Variants in FUBP1 observed in about 807,000 individuals in gnomAD.
FUBP1 encodes the protein far upstream element binding protein 1, also known as far upstream element-binding protein 1.
FUBP1 carries 16 observed loss-of-function variants against 94.9 expected under a neutral mutation model. The observed-to-expected ratio is 0.17, with a 90% confidence interval of 0.11 to 0.26. FUBP1 has a LOEUF of 0.26. FUBP1 is among the 10% of genes least tolerant of loss of function. The pLI is 1.00. For synonymous variants in FUBP1, 279 were observed against 254.9 expected (o/e 1.09, Z -0.90); for missense variants, 583 against 808.6 (o/e 0.72, Z 3.38).
At chr1:77,958,490 C>G (rs1220733197) in intron 16 of FUBP1, among the ~76,000 whole-genome samples, 1 of 152,180 alleles carries the variant, frequency 6.6e-6, no homozygotes, top group South Asian at 2.1e-4. Context: ...AATATTAAAA[C>G]AGTATGCTAT....
At chr1:77,973,274 C>G (rs1455060295) in intron 1 of FUBP1, among the ~76,000 whole-genome samples, 1 of 152,076 alleles carries the variant, frequency 6.6e-6, no homozygotes, top group African/African-American at 2.4e-5. Flanking sequence ...GAGATGGAGT[C>G]TCAAGATGTT....
At position 77,979,005 on chromosome 1, in the gene FUBP1, G is replaced by T. The variant is rs932592410; in HGVS notation, c.-1C>A. On this transcript the variant is annotated 5_prime_UTR_variant, in exon 1 of 20. Transcript: ENST00000370768. ...GAGGCACTGTTGAATAGTCTGCCAT[G>T]GTTGCACTATAAGAGCCGCTGCCGC... The T allele has an allele frequency of 1.9e-6, 3 of 1,610,812 alleles. No individual in the cohort carries two copies.
intron 13 of FUBP1, 60 bp from the exon 14 acceptor site, chr1:77,962,990 G>A: frequency 1.8e-6 from 2 of 1,138,148 alleles, no homozygotes; most frequent in Non-Finnish European, 2.5e-6. Flanking sequence ...GAGCTATTTA[G>A]AAGAAAATGG....
At chr1:77,965,308 T>C (rs1656270408) in intron 7 of FUBP1, 77 bp from the exon 8 acceptor site, 1 of 969,556 alleles carries the variant, frequency 1.0e-6, no homozygotes, top group Non-Finnish European at 1.6e-6. Context: ...TAAAACAATA[T>C]AACCAAGTAC....
At chr1:77,967,713 T>C (rs1436653175) in intron 3 of FUBP1, 47 bp from the exon 4 acceptor site, 1 of 1,103,020 alleles carries the variant, frequency 9.1e-7, no homozygotes, top group Non-Finnish European at 1.3e-6. Context: ...AAAATTTAAA[T>C]TTACTTATAT....
At position 77,944,922 on chromosome 1, in the gene FUBP1, ACTAAG is replaced by A. The variant is rs1170838564; in HGVS notation, c.*3839_*3843del. On this transcript the variant is annotated 3_prime_UTR_variant, in exon 20 of 20. Transcript: ENST00000370768. ...ACCATAGAATTCTAAGTATCACCAC[ACTAAG>A]CTGTCTTAAAAAAAACTAAAAACAT... Among the ~76,000 whole-genome samples, 1 of 152,084 alleles carries A rather than the reference ACTAAG, an allele frequency of 6.6e-6. No homozygotes were observed. Among genetic ancestry groups the A allele is most frequent in the East Asian group, 1.9e-4 (1 of 5,192 alleles).
chr1:77,966,841 G>C, intron 6 of FUBP1, 43 bp downstream of exon 6: 1 of 1,260,010 alleles, frequency 7.9e-7, no homozygotes, highest in Non-Finnish European at 1.1e-6. Context: ...AAAAAAGCTA[G>C]TTTTCTAGTC....
At position 77,955,456 on chromosome 1, in the gene FUBP1, T is replaced by C. The variant is rs1654270696; in HGVS notation, c.1706-127A>G. ...CAGTGAGGGTAGGAGGGAAGTACTA[T>C]GTGGTGGTGGCATCCCTAACAGTGC... On this transcript the variant is annotated intron_variant, in intron 17 of 19. Coordinates refer to ENST00000370768, the MANE Select transcript of FUBP1 (RefSeq NM_003902.5). 9.1e-5 allele frequency: 58 copies of C among 639,550 alleles called. No homozygotes were observed. The South Asian group carries it at 1.1e-3, about 12-fold the overall frequency. The allele number at this position is 639,550 out of a possible 1,614,324, so 39.6% of individuals were successfully genotyped here. A position where few individuals can be genotyped will look rare whatever the true frequency, so the allele number is the denominator to read the frequency against.
rs1655279549 is a variant in FUBP1, at chr1:77,960,623, T to C, written c.1345-128A>G. On this transcript the variant is annotated intron_variant, in intron 14 of 19. Transcript: ENST00000370768. Reference sequence around the variant, plus strand: ...ATAACAAATTTTAGGTTTTCCTTCCTTTCCTCATTCATTTTGCAAAAACTA... The same window carrying C: ...ATAACAAATTTTAGGTTTTCCTTCCCTTCCTCATTCATTTTGCAAAAACTA... The C allele has an allele frequency of 1.3e-5, 9 of 702,714 alleles. No individual in the cohort carries two copies. The East Asian group carries it at 2.6e-4, about 20-fold the overall frequency. The allele number at this position is 702,714 out of a possible 1,614,324, so 43.5% of individuals were successfully genotyped here. A position where few individuals can be genotyped will look rare whatever the true frequency, so the allele number is the denominator to read the frequency against.
intron 8 of FUBP1, 46 bp from the exon 9 acceptor site, chr1:77,965,014 C>G (rs1656216756): frequency 6.3e-7 from 1 of 1,586,856 alleles, no homozygotes; most frequent in Non-Finnish European, 8.6e-7. Context: ...AGGAAGTGGA[C>G]AAAAATGGGC....
intron 1 of FUBP1, among the ~76,000 whole-genome samples, chr1:77,977,321 T>C (rs1424309523): frequency 2.6e-5 from 4 of 152,046 alleles, no homozygotes; most frequent in African/African-American, 7.2e-5. Flanking sequence ...CTGGCCAGCA[T>C]GGTGAAACCC....
In FUBP1 at chr1:77,964,483, AT is replaced by A. The variant is rs1207708734; in HGVS notation, c.838-128del. The A allele has an allele frequency of 4.5e-6, 3 of 674,002 alleles. No individual in the cohort carries two copies. In the African/African-American group the frequency reaches 5.5e-5, roughly 12 times the overall value. 41.8% of individuals were successfully genotyped at this position (674,002 alleles called of 1,614,324 possible). ...ATCATAAAAGTACATATAATTCTAT[AT>A]TTATAGTAAATAGGGTAACAAGATA... On this transcript the variant is annotated intron_variant, in intron 10 of 19. Transcript: ENST00000370768.
rs1239253356 is a variant in FUBP1, at chr1:77,948,168, A to G, written c.*598T>C. The G allele has an allele frequency of 1.9e-6, 2 of 1,042,176 alleles. No homozygotes were observed. Among genetic ancestry groups the G allele is most frequent in the Non-Finnish European group, 2.3e-6 (2 of 864,092 alleles). The allele number at this position is 1,042,176 out of a possible 1,614,324, so 64.6% of individuals were successfully genotyped here. The stretch of plus-strand genomic sequence containing the variant: ...TGTACACACATGCAGTTTTTAATCA[A>G]ACAGAAGGAAAAAAAATGAAGATAT... On this transcript the variant is annotated 3_prime_UTR_variant, in exon 20 of 20. Transcript: ENST00000370768.
chr1:77,961,180 CTGAT>C (rs895931101), intron 14 of FUBP1, among the ~76,000 whole-genome samples: 12 of 152,140 alleles, frequency 7.9e-5, no homozygotes, highest in African/African-American at 2.9e-4. Flanking sequence ...TAACGCTTAA[CTGAT>C]TTCTGTTTGG....
intron 19 of FUBP1, 48 bp from the exon 20 acceptor site, chr1:77,948,822 C>T (rs770444342): frequency 1.2e-6 from 2 of 1,606,768 alleles, no homozygotes; most frequent in East Asian, 2.2e-5. Flanking sequence ...TAAAGAAAAT[C>T]CTTGAAATGG....
intron 18 of FUBP1, among the ~76,000 whole-genome samples, chr1:77,954,131 T>C (rs1459393029): frequency 6.6e-6 from 1 of 152,152 alleles, no homozygotes; most frequent in Non-Finnish European, 1.5e-5. Context: ...TGGCTCATGC[T>C]CAAGTCTTTT....
chr1:77,948,548 C>A lies in FUBP1; in HGVS notation c.*218G>T. 5.4e-6 allele frequency: 7 copies of A among 1,304,548 alleles called. No individual in the cohort carries two copies. Among genetic ancestry groups the A allele is most frequent in the Non-Finnish European group, 5.9e-6 (6 of 1,017,558 alleles). 80.8% of individuals were successfully genotyped at this position (1,304,548 alleles called of 1,614,324 possible). ...GGAATGTGTACATCTACACTAAATA[C>A]TAAAAACAAACCAATTTTCATTTCT... On this transcript the variant is annotated 3_prime_UTR_variant, in exon 20 of 20. Transcript: ENST00000370768.
intron 1 of FUBP1, among the ~76,000 whole-genome samples, chr1:77,976,065 G>T (rs1658539660): frequency 6.6e-6 from 1 of 152,178 alleles, no homozygotes; most frequent in Non-Finnish European, 1.5e-5. Context: ...CTTGAGAGCA[G>T]GAAACTATGC....
intron 14 of FUBP1, 77 bp downstream of exon 14, chr1:77,962,693 T>C: frequency 2.4e-6 from 2 of 818,774 alleles, no homozygotes; most frequent in Admixed American, 2.5e-5. Flanking sequence ...TTTCCTTTGA[T>C]GTATTTGAAT....
Sources: allele counts gnomAD v4.1 joint callset (sites outside exome capture counted in the v4.1 genomes callset), GRCh38; gene constraint gnomAD v4.1.1; transcripts MANE v1.5; gene names NCBI Gene and HGNC (gene_info 2026-07-23, HGNC 2026-07-21).